IQGAP1: variants seen among roughly 807,000 people sequenced by gnomAD.
IQGAP1 encodes the protein ras GTPase-activating-like protein IQGAP1.
A neutral mutation model predicts 215.6 loss-of-function variants in IQGAP1; 66 were observed. The observed-to-expected ratio is 0.31, with a 90% CI of 0.25 to 0.38. The LOEUF (loss-of-function observed/expected upper bound fraction) is 0.38. Among genes scored for constraint, IQGAP1 ranks in the 10% least tolerant of loss-of-function variants. The probability of loss-of-function intolerance (pLI) is 1.00; values close to 1 mark genes in which losing one functional copy is unlikely to be tolerated. For missense variants in IQGAP1, 1,712 were observed against 1,997.1 expected (o/e 0.86, Z 2.72); for synonymous variants, 772 against 728.7 (o/e 1.06, Z -0.96).
chr15:90,396,003 T>C (rs1316944266), intron 2 of IQGAP1, among the ~76,000 whole-genome samples: 1 of 152,092 alleles, frequency 6.6e-6, no homozygotes, highest in Admixed American at 6.6e-5. Context: ...ACCCCTCTTG[T>C]AGAAGGGAAG....
chr15:90,421,627 C>G (rs1164134043), intron 2 of IQGAP1, among the ~76,000 whole-genome samples: 15 of 152,180 alleles, frequency 9.9e-5, no homozygotes, highest in Admixed American at 9.2e-4. Flanking sequence ...AGTCCTGTTC[C>G]ATTTCAGGCT....
intron 37 of IQGAP1, 94 bp from the exon 38 acceptor site, chr15:90,499,901 G>T: frequency 1.2e-6 from 1 of 804,182 alleles, no homozygotes; most frequent in Non-Finnish European, 2.1e-6. Flanking sequence ...CAGTCCATCT[G>T]GATCCCTCCC....
At chr15:90,402,421 C>A (rs917606407) in intron 2 of IQGAP1, among the ~76,000 whole-genome samples, 1 of 152,122 alleles carries the variant, frequency 6.6e-6, no homozygotes, top group Non-Finnish European at 1.5e-5. Flanking sequence ...AGCTCTATTT[C>A]TTCTTTACTC....
At chr15:90,481,236 C>T (rs1320573372) in intron 26 of IQGAP1, among the ~76,000 whole-genome samples, 1 of 150,104 alleles carries the variant, frequency 6.7e-6, no homozygotes, top group Non-Finnish European at 1.5e-5. Context: ...GCCTTCTCTT[C>T]CCCTTCTGTG....
Position 90,396,675 on chromosome 15 carries a change from C to T in IQGAP1, c.155+5802C>T, listed in dbSNP as rs182589237. On this transcript the variant is annotated intron_variant, in intron 2 of 37. Transcript: ENST00000268182. ...TTTTTCGGATATTAATTTAGTGCAACGGCCTTGGACAGGCTCCACCATAAG... is the reference window on the plus strand; with the variant it reads ...TTTTTCGGATATTAATTTAGTGCAATGGCCTTGGACAGGCTCCACCATAAG... Among the ~76,000 whole-genome samples, 170 of 152,110 alleles carry T rather than the reference C, an allele frequency of 1.1e-3. 1 individual carries two copies. The highest frequency in any genetic ancestry group is 3.8e-3 in the African/African-American group (156 of 41,492).
rs371234409 is a variant in IQGAP1, at chr15:90,423,589, G to C, written c.156-2521G>C. 2.6e-5 allele frequency among the ~76,000 whole-genome samples: 4 copies of C among 152,320 alleles called. No homozygotes were observed. The East Asian group carries it at 7.7e-4, about 29-fold the overall frequency. On this transcript the variant is annotated intron_variant, in intron 2 of 37. Coordinates refer to ENST00000268182, the MANE Select transcript of IQGAP1 (RefSeq NM_003870.4). ...TGATACTCCATTGTGAAATAGCTCA[G>C]ATTGGTGGGCAAGCCACATATGTGG...
chr15:90,422,588 A>G (rs895701116), intron 2 of IQGAP1, among the ~76,000 whole-genome samples: 4 of 144,404 alleles, frequency 2.8e-5, no homozygotes, highest in South Asian at 2.2e-4. Context: ...CATTTCAGAA[A>G]TGTTTAATAA....
intron 2 of IQGAP1, among the ~76,000 whole-genome samples, chr15:90,420,382 C>T (rs1965116088): frequency 2.0e-5 from 3 of 152,140 alleles, no homozygotes; most frequent in South Asian, 2.1e-4. Context: ...TTTATTTTTA[C>T]GTTCTCTTGC....
chr15:90,444,061 CAA>C (rs200855513), intron 9 of IQGAP1, among the ~76,000 whole-genome samples: 2 of 144,560 alleles, frequency 1.4e-5, no homozygotes, highest in East Asian at 3.9e-4. Context: ...GACTCTGTCT[CAA>C]AAAAAAAAAA....
At chr15:90,479,258 G>A (rs1425305598) in intron 26 of IQGAP1, among the ~76,000 whole-genome samples, 1 of 152,030 alleles carries the variant, frequency 6.6e-6, no homozygotes, top group Admixed American at 6.6e-5. Flanking sequence ...TCTTAATGAA[G>A]GAAGTAATGT....
chr15:90,421,925 T>A (rs184484163), intron 2 of IQGAP1, among the ~76,000 whole-genome samples: 3 of 152,372 alleles, frequency 2.0e-5, no homozygotes, highest in Non-Finnish European at 4.4e-5. Context: ...CCTCCCAAAG[T>A]GCTGGGATTA....
intron 2 of IQGAP1, among the ~76,000 whole-genome samples, chr15:90,424,541 T>G (rs1965193419): frequency 6.6e-6 from 1 of 152,176 alleles, no homozygotes; most frequent in Non-Finnish European, 1.5e-5. Flanking sequence ...AGAGTAGATT[T>G]AAAAGCAAGA....
At chr15:90,457,081 T>C (rs924303588) in intron 15 of IQGAP1, among the ~76,000 whole-genome samples, 1 of 151,816 alleles carries the variant, frequency 6.6e-6, no homozygotes, top group Admixed American at 6.6e-5. Flanking sequence ...TATTTGGCAG[T>C]CAGATTGTAG....
chr15:90,399,245 C>G (rs1189013227), intron 2 of IQGAP1, among the ~76,000 whole-genome samples: 1 of 152,090 alleles, frequency 6.6e-6, no homozygotes, highest in East Asian at 1.9e-4. Context: ...GCAGCCACAC[C>G]TGGCCTGTAT....
At chr15:90,493,596 G>A (rs1185325652) in intron 35 of IQGAP1, among the ~76,000 whole-genome samples, 1 of 152,222 alleles carries the variant, frequency 6.6e-6, no homozygotes, top group Admixed American at 6.5e-5. Flanking sequence ...AGAACAATAA[G>A]CACCCATGTG....
intron 30 of IQGAP1, 30 bp downstream of exon 30, chr15:90,484,382 C>A: frequency 1.3e-6 from 2 of 1,573,646 alleles, no homozygotes; most frequent in South Asian, 1.1e-5. Flanking sequence ...TACTTAATTT[C>A]ATTGTCCTTA....
Position 90,390,522 on chromosome 15 carries a change from A to G in IQGAP1, c.56-252A>G, listed in dbSNP as rs150655452. Among the ~76,000 whole-genome samples, 302 of 152,340 alleles carry G rather than the reference A, an allele frequency of 2.0e-3. 3 individuals are homozygous for G. Among genetic ancestry groups the G allele is most frequent in the Non-Finnish European group, 3.5e-3 (235 of 68,028 alleles). On this transcript the variant is annotated intron_variant, in intron 1 of 37. Transcript: ENST00000268182. ...ATTTGTGCCAAAATCTCAAGACAGT[A>G]TTTTTCAAGATTACACTGAAACTTA...
chr15:90,447,189 A>G (rs1003173511), intron 9 of IQGAP1, among the ~76,000 whole-genome samples: 2 of 152,202 alleles, frequency 1.3e-5, no homozygotes, highest in Non-Finnish European at 1.5e-5. Flanking sequence ...TAACAGCCAC[A>G]TATACCTGCA....
At position 90,497,345 on chromosome 15, in the gene IQGAP1, G is replaced by T; in HGVS notation, c.4860+5G>T. 2 of 1,499,308 alleles carry T rather than the reference G, an allele frequency of 1.3e-6. No homozygotes were observed. Among genetic ancestry groups the T allele is most frequent in the Non-Finnish European group, 1.9e-6 (2 of 1,078,700 alleles). The allele number at this position is 1,499,308 out of a possible 1,614,324, so 92.9% of individuals were successfully genotyped here. ...ACTTTTATGTTACATTATCAGGTGG[G>T]TATGCACCAGCAGGAACCAAAAACT... On this transcript the variant is annotated splice_donor_5th_base_variant and intron_variant, in intron 37 of 37. Transcript: ENST00000268182.
Sources: gnomAD v4.1 joint callset for allele counts (sites outside exome capture counted in the v4.1 genomes callset) on GRCh38, gnomAD v4.1.1 for gene constraint, MANE v1.5 for transcripts, NCBI Gene and HGNC (gene_info 2026-07-23, HGNC 2026-07-21) for gene names.